EFHD1: variants seen among roughly 807,000 people sequenced by gnomAD.
EFHD1 encodes EF-hand domain-containing protein D1.
In EFHD1, 10 loss-of-function variants were observed where a neutral mutation model predicts 17.2. The ratio of observed to expected loss-of-function variants is 0.58; its 90% CI spans 0.36 to 0.99. The LOEUF (loss-of-function observed/expected upper bound fraction) is 0.99. EFHD1 is among the 50% of genes least tolerant of loss of function. The pLI is 0.01. For synonymous variants in EFHD1, 153 were observed against 142.0 expected, an observed-to-expected ratio of 1.08 and a Z score of -0.55; for missense variants, 310 against 327.5, an observed-to-expected ratio of 0.95 and a Z score of 0.41.
chr2:232,632,612 C>T (rs971243215), upstream of EFHD1, among the ~76,000 whole-genome samples: 1 of 152,000 alleles, frequency 6.6e-6, no homozygotes, highest in African/African-American at 2.4e-5. Context: ...TTTTTCCTCC[C>T]CCTCTCCCTC....
At chr2:232,636,313 C>T (rs1180765941) in intron 1 of EFHD1, among the ~76,000 whole-genome samples, 2 of 152,144 alleles carry the variant, frequency 1.3e-5, no homozygotes, top group Non-Finnish European at 2.9e-5. Flanking sequence ...ACCACTTGCT[C>T]CCTGGAAGGT....
intron 1 of EFHD1, among the ~76,000 whole-genome samples, chr2:232,657,831 C>G (rs1694789639): frequency 6.7e-6 from 1 of 148,180 alleles, no homozygotes; most frequent in South Asian, 2.1e-4. Flanking sequence ...AAAAAGAATA[C>G]TAGTGTCCAG....
intron 2 of EFHD1, among the ~76,000 whole-genome samples, chr2:232,671,971 C>T (rs897904102): frequency 3.3e-5 from 5 of 150,410 alleles, no homozygotes; most frequent in Admixed American, 6.6e-5. Context: ...ACATGAGAAT[C>T]GCTTGAGCCC....
At chr2:232,662,025 G>C (rs1341587336) in intron 1 of EFHD1, 1 of 152,658 alleles carries the variant, frequency 6.6e-6, no homozygotes, top group East Asian at 1.9e-4. Flanking sequence ...AGAGCCAGGG[G>C]GTCTGTGGAG....
chr2:232,611,548 C>G (rs142238891), intron 1 of EFHD1: 1 of 152,216 alleles, frequency 6.6e-6, no homozygotes, highest in Non-Finnish European at 1.5e-5. Flanking sequence ...CTCTGCACCG[C>G]GTGATGGAGC....
At chr2:232,619,043 G>A (rs1317712712) in intron 1 of EFHD1, among the ~76,000 whole-genome samples, 2 of 151,808 alleles carry the variant, frequency 1.3e-5, no homozygotes, top group Admixed American at 6.6e-5. Flanking sequence ...CAGCTACTCC[G>A]GAGGCCGAGG....
intron 1 of EFHD1, among the ~76,000 whole-genome samples, chr2:232,649,167 C>T (rs1437041679): frequency 6.6e-6 from 1 of 152,216 alleles, no homozygotes; most frequent in Non-Finnish European, 1.5e-5. Flanking sequence ...CGGGAGGACG[C>T]CGGAGACCAG....
chr2:232,635,297 C>A (rs1023622583), intron 1 of EFHD1, among the ~76,000 whole-genome samples: 1 of 152,244 alleles, frequency 6.6e-6, no homozygotes, highest in Non-Finnish European at 1.5e-5. Flanking sequence ...CCAGACCCCA[C>A]CAGTTCCTCC....
At chr2:232,636,764 A>C (rs1214372629) in intron 1 of EFHD1, among the ~76,000 whole-genome samples, 1 of 152,240 alleles carries the variant, frequency 6.6e-6, no homozygotes, top group Admixed American at 6.5e-5. Context: ...TGGAGGTTGC[A>C]GTGAGCCGAG....
chr2:232,626,794 G>A (rs1292463385), intron 1 of EFHD1, among the ~76,000 whole-genome samples: 3 of 152,030 alleles, frequency 2.0e-5, no homozygotes, highest in African/African-American at 7.2e-5. Flanking sequence ...GGTATTCAGA[G>A]ACACTGTCTA....
chr2:232,627,062 ATATTTTTT>A (rs1385953871), intron 1 of EFHD1, among the ~76,000 whole-genome samples: 56 of 109,526 alleles, frequency 5.1e-4, no homozygotes, highest in Middle Eastern at 5.2e-3. Flanking sequence ...ATATATATAT[ATATTTTTT>A]TTTTTTTTTA....
exon 1 of EFHD1, chr2:232,606,098 C>T: frequency 6.5e-7 from 1 of 1,541,308 alleles, no homozygotes; most frequent in Admixed American, 2.0e-5. Flanking sequence ...GGCTGCTTGC[C>T]TTTCTCCGTA....
At chr2:232,641,946 C>A (rs1426448591) in intron 1 of EFHD1, among the ~76,000 whole-genome samples, 2 of 152,214 alleles carry the variant, frequency 1.3e-5, no homozygotes, top group Non-Finnish European at 2.9e-5. Context: ...GCATCTGCTT[C>A]TTCTGCGGGC....
chr2:232,628,555 T>C (rs1694146678), intron 1 of EFHD1, among the ~76,000 whole-genome samples: 1 of 152,140 alleles, frequency 6.6e-6, no homozygotes, highest in African/African-American at 2.4e-5. Context: ...TTCTGACTTC[T>C]TTGTGACTTG....
intron 1 of EFHD1, among the ~76,000 whole-genome samples, chr2:232,634,771 CT>C (rs1242664551): frequency 2.0e-5 from 3 of 152,222 alleles, no homozygotes; most frequent in Non-Finnish European, 4.4e-5. Context: ...GTTTCCTCAT[CT>C]GGAGAGTGGG....
At chr2:232,679,937 C>T (rs999592712) in intron 3 of EFHD1, among the ~76,000 whole-genome samples, 2 of 151,940 alleles carry the variant, frequency 1.3e-5, no homozygotes, top group African/African-American at 4.8e-5. Flanking sequence ...GTGTGTAAAT[C>T]GGAGCAGCTA....
intron 1 of EFHD1, among the ~76,000 whole-genome samples, chr2:232,614,176 A>G (rs1693877126): frequency 6.6e-6 from 1 of 151,352 alleles, no homozygotes; most frequent in South Asian, 2.1e-4. Flanking sequence ...ATATACAAAC[A>G]CACACACCTA....
chr2:232,661,037 A>G (rs897570882), intron 1 of EFHD1, among the ~76,000 whole-genome samples: 3 of 152,040 alleles, frequency 2.0e-5, no homozygotes, highest in Non-Finnish European at 2.9e-5. Flanking sequence ...AATTCCAGCT[A>G]CTTGGGAGGC....
intron 2 of EFHD1, among the ~76,000 whole-genome samples, chr2:232,671,992 G>T (rs1695077561): frequency 6.6e-6 from 1 of 151,482 alleles, no homozygotes; most frequent in South Asian, 2.1e-4. Context: ...AGAGGCAGAG[G>T]TTGCAGTGAG....
Sources: allele counts gnomAD v4.1 joint callset (sites outside exome capture counted in the v4.1 genomes callset), GRCh38; gene constraint gnomAD v4.1.1; transcripts MANE v1.5; gene names NCBI Gene and HGNC (gene_info 2026-07-23, HGNC 2026-07-21).